PSIP1: variants seen among roughly 807,000 people sequenced by gnomAD.
PSIP1 encodes PC4 and SFRS1-interacting protein.
A neutral mutation model predicts 74.7 loss-of-function variants in PSIP1; 19 were observed. The ratio of observed to expected loss-of-function variants is 0.25; its 90% CI spans 0.18 to 0.37. The LOEUF is 0.37. PSIP1 is among the 10% of genes least tolerant of loss of function. PSIP1 has a pLI of 1.00. For missense variants in PSIP1, 601 were observed against 614.3 expected, an observed-to-expected ratio of 0.98 and a Z score of 0.23; for synonymous variants, 222 against 195.3, an observed-to-expected ratio of 1.14 and a Z score of -1.14.
chr9:15,497,172 A>G (rs2037113398), intron 3 of PSIP1, among the ~76,000 whole-genome samples: 1 of 151,814 alleles, frequency 6.6e-6, no homozygotes, highest in African/African-American at 2.4e-5. Context: ...CAAGTGATGA[A>G]TAAATATGGT....
At chr9:15,481,924 A>G (rs1342764107) in intron 6 of PSIP1, among the ~76,000 whole-genome samples, 1 of 152,238 alleles carries the variant, frequency 6.6e-6, no homozygotes, top group East Asian at 1.9e-4. Context: ...AAGTTATACG[A>G]AACATATATA....
At chr9:15,484,155 A>G (rs1030433916) in intron 6 of PSIP1, among the ~76,000 whole-genome samples, 1 of 150,460 alleles carries the variant, frequency 6.6e-6, no homozygotes, top group Non-Finnish European at 1.5e-5. Context: ...AAACAAATTT[A>G]TATTTAAAAA....
chr9:15,480,533 A>G (rs1239612693), intron 6 of PSIP1, among the ~76,000 whole-genome samples: 1 of 152,264 alleles, frequency 6.6e-6, no homozygotes, highest in Non-Finnish European at 1.5e-5. Context: ...TCATTCATAC[A>G]TTGACTACCA....
intron 2 of PSIP1, among the ~76,000 whole-genome samples, chr9:15,507,247 A>T (rs1400922227): frequency 6.6e-6 from 1 of 152,270 alleles, no homozygotes; most frequent in Non-Finnish European, 1.5e-5. Flanking sequence ...GTAAGGAAGA[A>T]ATCATCAGGT....
chr9:15,471,052 T>C (rs1335973273), intron 10 of PSIP1: 2 of 1,463,378 alleles, frequency 1.4e-6, no homozygotes, highest in Non-Finnish European at 1.8e-6. Flanking sequence ...AAGTCCTCAA[T>C]TTAGAATCTG....
chr9:15,469,061 T>G lies in PSIP1; in HGVS notation c.1105-3A>C. ...GCCTCAATGCATCTGTTCACATCCT[T>G]CATGACAAAACAGTAATTTCATAGC... On this transcript the variant is annotated splice_region_variant and splice_polypyrimidine_tract_variant and intron_variant, in intron 12 of 15. Transcript: ENST00000380733. The G allele has an allele frequency of 6.2e-7, 1 of 1,611,036 alleles. No individual in the cohort carries two copies. The highest frequency in any genetic ancestry group is 8.5e-7 in the Non-Finnish European group (1 of 1,178,442).
chr9:15,500,409 G>A (rs1053103754), intron 3 of PSIP1, among the ~76,000 whole-genome samples: 6 of 152,074 alleles, frequency 3.9e-5, no homozygotes, highest in South Asian at 2.1e-4. Context: ...ACCTTGCTTT[G>A]AGCGGAGATT....
chr9:15,469,376 C>T lies in PSIP1; in HGVS notation c.1034-40G>A, dbSNP rs1379844628. 3 of 1,325,290 alleles carry T rather than the reference C, an allele frequency of 2.3e-6. No individual in the cohort carries two copies. The South Asian group carries it at 4.0e-5, about 18-fold the overall frequency. 82.1% of individuals were successfully genotyped at this position (1,325,290 alleles called of 1,614,324 possible). ...ATGTGAAAAACAGTGAACAGTTTTT[C>T]CAAAACCAGTATTTCTATATACAGG... On this transcript the variant is annotated intron_variant, in intron 11 of 15. Transcript: ENST00000380733.
intron 6 of PSIP1, among the ~76,000 whole-genome samples, 177 bp from the exon 7 acceptor site, chr9:15,479,864 A>G (rs1252280608): frequency 6.6e-6 from 1 of 152,214 alleles, no homozygotes; most frequent in Non-Finnish European, 1.5e-5. Flanking sequence ...AACTTAGTTT[A>G]TAACTCTAGT....
chr9:15,496,287 A>G (rs1399100037), intron 3 of PSIP1, among the ~76,000 whole-genome samples: 1 of 152,218 alleles, frequency 6.6e-6, no homozygotes, highest in Non-Finnish European at 1.5e-5. Context: ...TACAGGAACT[A>G]TGTAAAGCTA....
chr9:15,485,481 C>T (rs556606167), intron 6 of PSIP1, among the ~76,000 whole-genome samples: 118 of 152,242 alleles, frequency 7.8e-4, no homozygotes, highest in Admixed American at 3.1e-3. Context: ...TAATTTGAGA[C>T]ATAAATAGGT....
chr9:15,468,979 T>C lies in PSIP1; in HGVS notation c.1184A>G (p.Glu395Gly). The change falls in exon 13 of 16, where the codon GAG (glutamate) becomes GGG (glycine). Residue 395 changes from glutamate (E) to glycine (G), a missense_variant. Glu to Gly is a moderately conservative substitution (Grantham distance 98). Around this residue, in one of 2 missense-constraint regions of PSIP1, gnomAD observed 538 missense variants for 507.6 expected, o/e 1.06. Transcript: ENST00000380733. ...TACTTTTTTCAGTGTAGTAATCATCTCTGTGTGTTTCTGAGCTTGTTGCAT... is the reference window on the plus strand; with the variant it reads ...TACTTTTTTCAGTGTAGTAATCATCCCTGTGTGTTTCTGAGCTTGTTGCAT... ...VTMQQAQKHTEMITTLKKIRR... is the reference protein window; with the variant it reads ...VTMQQAQKHTGMITTLKKIRR... 6.2e-7 allele frequency: 1 copy of C among 1,613,986 alleles called. No homozygotes were observed. The highest frequency in any genetic ancestry group is 1.1e-5 in the South Asian group (1 of 91,064).
chr9:15,485,709 C>G (rs1027142955), intron 6 of PSIP1, among the ~76,000 whole-genome samples: 1 of 152,134 alleles, frequency 6.6e-6, no homozygotes, highest in Admixed American at 6.6e-5. Flanking sequence ...ATCATTTAAT[C>G]CTCCACAACC....
In PSIP1 at chr9:15,510,286, C is replaced by T. The variant is rs899426123; in HGVS notation, c.-98G>A. 7.0e-6 allele frequency: 7 copies of T among 993,644 alleles called. No homozygotes were observed. The highest frequency in any genetic ancestry group is 7.1e-6 in the Non-Finnish European group (5 of 707,322). The allele number at this position is 993,644 out of a possible 1,614,324, so 61.6% of individuals were successfully genotyped here. On this transcript the variant is annotated 5_prime_UTR_variant, in exon 2 of 16. Transcript: ENST00000380733. ...GGCGGACGCGGGCCCAGCTACCGGG[C>T]CCGCGGGCGGGGGAGGATGCCTCGG...
intron 4 of PSIP1, among the ~76,000 whole-genome samples, chr9:15,488,924 G>A (rs979814850): frequency 1.3e-5 from 2 of 152,196 alleles, no homozygotes; most frequent in Admixed American, 6.5e-5. Flanking sequence ...GGAAGGCTGA[G>A]GCAGGAGAAT....
rs748040788 is a variant in PSIP1 at position 15,510,210 on chromosome 9, G to A, written c.-22C>T. The A allele has an allele frequency of 5.0e-6, 8 of 1,597,902 alleles. No homozygotes were observed. The highest frequency in any genetic ancestry group is 2.3e-5 in the East Asian group (1 of 43,374). On this transcript the variant is annotated 5_prime_UTR_variant, in exon 2 of 16. Coordinates refer to ENST00000380733, the MANE Select transcript of PSIP1 (RefSeq NM_033222.5). ...TCATGTTTCGGGGGCGAGACCGGGG[G>A]TCCGAAGCCCGGGAGGCGGCGAGGA...
At chr9:15,509,736 C>G (rs1458918794) in intron 2 of PSIP1, among the ~76,000 whole-genome samples, 5 of 152,180 alleles carry the variant, frequency 3.3e-5, no homozygotes, top group Admixed American at 3.3e-4. Flanking sequence ...GTAATCTGCA[C>G]AAATTCCATT....
intron 3 of PSIP1, among the ~76,000 whole-genome samples, chr9:15,494,159 T>C (rs1021073135): frequency 3.3e-5 from 5 of 152,232 alleles, no homozygotes; most frequent in African/African-American, 1.2e-4. Context: ...TATCATAAAT[T>C]CCTGATCTGC....
intron 3 of PSIP1, 174 bp downstream of exon 3, chr9:15,506,387 A>T: frequency 2.3e-6 from 1 of 440,908 alleles, no homozygotes; most frequent in Middle Eastern, 3.9e-4. Context: ...GTAAAAAATA[A>T]ACCTATAGCA....
Sources: gnomAD v4.1 joint callset for allele counts (sites outside exome capture counted in the v4.1 genomes callset) on GRCh38, gnomAD v4.1.1 for gene constraint, gnomAD v4.1.1 regional missense constraint, MANE v1.5 for transcripts, NCBI Gene and HGNC (gene_info 2026-07-23, HGNC 2026-07-21) for gene names.